The following PCSK5 variants were observed in gnomAD, a reference collection of about 807,000 sequenced individuals.
PCSK5 encodes the protein proprotein convertase subtilisin/kexin type 5, also known as prohormone convertase 5.
A neutral mutation model predicts 233.2 loss-of-function variants in PCSK5; 129 were observed. The ratio of observed to expected loss-of-function variants is 0.55; its 90% CI spans 0.48 to 0.64. PCSK5 has a LOEUF of 0.64. Among genes scored for constraint, PCSK5 ranks in the 30% least tolerant of loss-of-function variants. The pLI is 0.00. For missense variants in PCSK5, 2,076 were observed against 2,430.1 expected (o/e 0.85, Z 3.06); for synonymous variants, 825 against 879.2 (o/e 0.94, Z 1.09).
intron 30 of PCSK5, among the ~76,000 whole-genome samples, chr9:76,316,838 G>A (rs1165629811): frequency 6.6e-6 from 1 of 151,334 alleles, no homozygotes; most frequent in East Asian, 1.9e-4. Flanking sequence ...TCAAACTGCT[G>A]GTGGGCATAT....
chr9:76,069,996 ATTTTT>A (rs146321207), intron 6 of PCSK5, among the ~76,000 whole-genome samples: 3 of 122,586 alleles, frequency 2.4e-5, no homozygotes, highest in Admixed American at 8.5e-5. Context: ...TTCCATTCCA[ATTTTT>A]TTTTTTTTTT....
chr9:76,355,334 G>A (rs141672522), intron 37 of PCSK5, among the ~76,000 whole-genome samples: 14 of 152,034 alleles, frequency 9.2e-5, no homozygotes, highest in Non-Finnish European at 1.3e-4. Flanking sequence ...TTAGCCAGGC[G>A]TGGTGGCGGG....
At chr9:76,242,224 T>C (rs2032366709) in intron 24 of PCSK5, among the ~76,000 whole-genome samples, 1 of 152,212 alleles carries the variant, frequency 6.6e-6, no homozygotes, top group Non-Finnish European at 1.5e-5. Context: ...TTCGTTGTGC[T>C]AGGAATATTC....
At chr9:76,176,086 G>C (rs1213939459) in intron 14 of PCSK5, among the ~76,000 whole-genome samples, 1 of 151,384 alleles carries the variant, frequency 6.6e-6, no homozygotes, top group East Asian at 1.9e-4. Flanking sequence ...TTTTGCAGAA[G>C]TTTTATCCTT....
intron 8 of PCSK5, 102 bp downstream of exon 8, chr9:76,096,204 C>CACAA (rs2131651734): frequency 1.4e-6 from 1 of 691,718 alleles, no homozygotes; most frequent in Admixed American, 2.4e-5. Flanking sequence ...CACACACACA[C>CACAA]ACACACACAC....
intron 20 of PCSK5, among the ~76,000 whole-genome samples, chr9:76,213,155 A>T (rs1825393337): frequency 6.6e-6 from 1 of 152,212 alleles, no homozygotes; most frequent in South Asian, 2.1e-4. Context: ...TTGGACTCAG[A>T]TCTTCTCTCT....
At chr9:76,215,138 C>T (rs556070016) in intron 20 of PCSK5, among the ~76,000 whole-genome samples, 1 of 152,338 alleles carries the variant, frequency 6.6e-6, no homozygotes, top group African/African-American at 2.4e-5. Context: ...TTCCACAGCC[C>T]ATCCCTGCCC....
In PCSK5 at chr9:75,952,337, C is replaced by T. The variant is rs578164673; in HGVS notation, c.297+19854C>T. Among the ~76,000 whole-genome samples the T allele has an allele frequency of 4.1e-4, 63 of 152,334 alleles. No individual in the cohort carries two copies. In the South Asian group the frequency reaches 0.01, roughly 25 times the overall value. On this transcript the variant is annotated intron_variant, in intron 2 of 37. Transcript: ENST00000674117. ...CCTGTCAAGATACAGACTGTCAACT[C>T]ATCGCACAAATTTCCCTTAAGCACC...
At chr9:76,152,541 G>C (rs780629271) in intron 10 of PCSK5, among the ~76,000 whole-genome samples, 10 of 152,098 alleles carry the variant, frequency 6.6e-5, no homozygotes, top group Non-Finnish European at 1.0e-4. Flanking sequence ...TAGCAGAAAG[G>C]TCCTCTTTCA....
At chr9:76,302,839 C>T (rs1828654589) in intron 28 of PCSK5, among the ~76,000 whole-genome samples, 1 of 151,986 alleles carries the variant, frequency 6.6e-6, no homozygotes, top group African/African-American at 2.4e-5. Context: ...CCATTTTGCA[C>T]CATGAGTGAA....
At chr9:76,315,811 T>C (rs554461599) in intron 30 of PCSK5, among the ~76,000 whole-genome samples, 24 of 152,030 alleles carry the variant, frequency 1.6e-4, no homozygotes, top group Non-Finnish European at 2.9e-4. Context: ...TTTTGTATTT[T>C]TGTAGAGACA....
At chr9:75,977,222 G>A (rs1054761186) in intron 2 of PCSK5, among the ~76,000 whole-genome samples, 1 of 152,010 alleles carries the variant, frequency 6.6e-6, no homozygotes, top group Admixed American at 6.6e-5. Context: ...GAAATTTTTT[G>A]TTAACTATTA....
At chr9:76,064,615 G>A (rs1830204172) in intron 5 of PCSK5, among the ~76,000 whole-genome samples, 1 of 147,546 alleles carries the variant, frequency 6.8e-6, no homozygotes, top group South Asian at 2.2e-4. Context: ...CTTCTCAGAC[G>A]GGGCAGCTGC....
intron 5 of PCSK5, among the ~76,000 whole-genome samples, chr9:76,029,966 A>G (rs1828586678): frequency 6.6e-6 from 1 of 152,210 alleles, no homozygotes; most frequent in African/African-American, 2.4e-5. Context: ...GCAAACAATT[A>G]TATTGCCATA....
At chr9:75,904,507 A>G (rs868804206) in intron 1 of PCSK5, among the ~76,000 whole-genome samples, 1 of 152,238 alleles carries the variant, frequency 6.6e-6, no homozygotes, top group Non-Finnish European at 1.5e-5. Flanking sequence ...CAAAGCACAT[A>G]TGCAAATGGG....
At chr9:76,241,499 T>C (rs1826431200) in intron 24 of PCSK5, among the ~76,000 whole-genome samples, 1 of 152,138 alleles carries the variant, frequency 6.6e-6, no homozygotes, top group Non-Finnish European at 1.5e-5. Flanking sequence ...AGACAACCCT[T>C]AGAGAATCAA....
At position 75,915,576 on chromosome 9, in the gene PCSK5, C is replaced by T. The variant is rs1251933027; in HGVS notation, c.193-16803C>T. On this transcript the variant is annotated intron_variant, in intron 1 of 37. Coordinates refer to ENST00000674117, the MANE Select transcript of PCSK5 (RefSeq NM_001372043.1). ...TAAGAAGGAGGAAAACTTATGAAGC[C>T]CTGTTCTTTCACTAAATTACCTGCG... Among the ~76,000 whole-genome samples, 8 of 152,214 alleles carry T rather than the reference C, an allele frequency of 5.3e-5. No individual in the cohort carries two copies. The East Asian group carries it at 1.2e-3, about 22-fold the overall frequency.
chr9:76,199,509 G>C (rs1366235478), intron 20 of PCSK5, among the ~76,000 whole-genome samples: 1 of 152,088 alleles, frequency 6.6e-6, no homozygotes, highest in African/African-American at 2.4e-5. Context: ...AGGATCTTGA[G>C]AATCTTCATA....
intron 5 of PCSK5, among the ~76,000 whole-genome samples, chr9:76,052,424 G>C (rs1227909367): frequency 6.6e-6 from 1 of 152,162 alleles, no homozygotes. Context: ...GAGGAGCAAA[G>C]CCATGTCTTA....
Sources: allele counts gnomAD v4.1 joint callset (sites outside exome capture counted in the v4.1 genomes callset), GRCh38; gene constraint gnomAD v4.1.1; transcripts MANE v1.5; gene names NCBI Gene and HGNC (gene_info 2026-07-23, HGNC 2026-07-21).